FER: variants seen among roughly 807,000 people sequenced by gnomAD.
FER encodes the protein tyrosine-protein kinase Fer.
A neutral mutation model predicts 111.0 loss-of-function variants in FER; 63 were observed. The ratio of observed to expected loss-of-function variants is 0.57; its 90% CI spans 0.46 to 0.70. The LOEUF (loss-of-function observed/expected upper bound fraction) is 0.70. FER is among the 30% of genes least tolerant of loss of function. The probability of loss-of-function intolerance (pLI) is 0.00; values close to 1 mark genes in which losing one functional copy is unlikely to be tolerated. For synonymous variants in FER, 327 were observed against 313.9 expected (o/e 1.04, Z -0.44); for missense variants, 914 against 954.0 (o/e 0.96, Z 0.55).
intron 10 of FER, among the ~76,000 whole-genome samples, chr5:108,905,490 A>G (rs1750628738): frequency 6.6e-6 from 1 of 152,176 alleles, no homozygotes. Context: ...ACTATGATTA[A>G]TGCAAATAAA....
chr5:108,944,240 A>G (rs1756678504), intron 10 of FER, among the ~76,000 whole-genome samples: 1 of 152,146 alleles, frequency 6.6e-6, no homozygotes, highest in Non-Finnish European at 1.5e-5. Context: ...TTTCAAGCCA[A>G]GGTAATAGTT....
chr5:108,975,556 T>G (rs1761226810), intron 13 of FER, among the ~76,000 whole-genome samples: 1 of 152,168 alleles, frequency 6.6e-6, no homozygotes, highest in South Asian at 2.1e-4. Context: ...GGGTTTGATC[T>G]TTGGGGGCAA....
chr5:108,987,438 C>G (rs182139581), intron 13 of FER, among the ~76,000 whole-genome samples: 4 of 152,140 alleles, frequency 2.6e-5, no homozygotes, highest in Admixed American at 2.6e-4. Context: ...AAGAGCAAAA[C>G]TCCATCTCAA....
At chr5:109,145,408 CA>C (rs139682343) in intron 17 of FER, among the ~76,000 whole-genome samples, 15,944 of 152,094 alleles carry the variant, frequency 0.1, 841 homozygotes, top group Non-Finnish European at 0.12. Context: ...GAAACTTTCT[CA>C]TATCATTTTA....
chr5:108,866,636 A>G (rs1029301372), intron 5 of FER, among the ~76,000 whole-genome samples: 1 of 152,092 alleles, frequency 6.6e-6, no homozygotes, highest in Non-Finnish European at 1.5e-5. Flanking sequence ...ATGAATCTCA[A>G]TGCAATGAAA....
At chr5:109,114,372 A>G (rs1202516626) in intron 17 of FER, among the ~76,000 whole-genome samples, 1 of 152,142 alleles carries the variant, frequency 6.6e-6, no homozygotes, top group African/African-American at 2.4e-5. Context: ...AAATAATAAT[A>G]TTTAATAAAG....
intron 10 of FER, among the ~76,000 whole-genome samples, chr5:108,939,892 A>G (rs766950501): frequency 6.6e-6 from 1 of 152,208 alleles, no homozygotes; most frequent in East Asian, 1.9e-4. Context: ...TGTACAGTAC[A>G]AGAATACTAA....
chr5:108,826,490 C>T (rs1345937578), intron 3 of FER, among the ~76,000 whole-genome samples: 2 of 152,092 alleles, frequency 1.3e-5, no homozygotes, highest in African/African-American at 4.8e-5. Context: ...TGGGCTGAAA[C>T]GGTCCTCTCG....
intron 3 of FER, among the ~76,000 whole-genome samples, chr5:108,821,472 A>G (rs1426402597): frequency 6.6e-6 from 1 of 152,182 alleles, no homozygotes; most frequent in Non-Finnish European, 1.5e-5. Context: ...TTTGAAAATT[A>G]TTATATTATC....
At chr5:108,892,842 G>C (rs956213960) in intron 9 of FER, among the ~76,000 whole-genome samples, 3 of 152,132 alleles carry the variant, frequency 2.0e-5, no homozygotes, top group Non-Finnish European at 2.9e-5. Flanking sequence ...ATTAATTTCT[G>C]TATAAGGTGT....
At position 109,063,367 on chromosome 5, in the gene FER, A is replaced by G. The variant is rs556138229; in HGVS notation, c.1924+16169A>G. On this transcript the variant is annotated intron_variant, in intron 16 of 19. Transcript: ENST00000281092. ...AGGTTACTATGGTAGTTAACTGGCA[A>G]TGACAGTTTCAGCTGCTTTGGTAAC... Among the ~76,000 whole-genome samples the G allele has an allele frequency of 3.9e-5, 6 of 152,322 alleles. No homozygotes were observed. The South Asian group carries it at 1.2e-3, about 32-fold the overall frequency.
chr5:108,828,781 A>G (rs1425040347), intron 3 of FER, among the ~76,000 whole-genome samples: 1 of 152,194 alleles, frequency 6.6e-6, no homozygotes, highest in Non-Finnish European at 1.5e-5. Context: ...AGTGGCCGAC[A>G]ATATTTTGTT....
intron 2 of FER, among the ~76,000 whole-genome samples, chr5:108,790,544 T>C (rs761718831): frequency 6.6e-5 from 10 of 152,182 alleles, no homozygotes; most frequent in Non-Finnish European, 1.5e-4. Flanking sequence ...CCAAATAAAT[T>C]CTACCATCAT....
chr5:108,940,511 A>G (rs188630235), intron 10 of FER, among the ~76,000 whole-genome samples: 1 of 152,254 alleles, frequency 6.6e-6, no homozygotes, highest in African/African-American at 2.4e-5. Flanking sequence ...ATGAACCTAC[A>G]TCCAGAAAGT....
chr5:109,094,915 A>T (rs939622906), intron 16 of FER, among the ~76,000 whole-genome samples: 2 of 152,172 alleles, frequency 1.3e-5, no homozygotes, highest in African/African-American at 4.8e-5. Flanking sequence ...GTGTTTGTCA[A>T]AGTTGACTAT....
chr5:109,007,484 C>G (rs1190432266), intron 13 of FER, among the ~76,000 whole-genome samples: 1 of 152,158 alleles, frequency 6.6e-6, no homozygotes, highest in Non-Finnish European at 1.5e-5. Context: ...CAGCTACTTA[C>G]CCTTTGGAAA....
At chr5:109,005,252 G>A (rs941388241) in intron 13 of FER, among the ~76,000 whole-genome samples, 2 of 152,018 alleles carry the variant, frequency 1.3e-5, no homozygotes, top group Admixed American at 6.6e-5. Flanking sequence ...CAACAAGACA[G>A]TCCTCAAGTG....
intron 16 of FER, among the ~76,000 whole-genome samples, chr5:109,071,893 T>C (rs1252024047): frequency 6.6e-6 from 1 of 151,844 alleles, no homozygotes; most frequent in East Asian, 1.9e-4. Context: ...AATGTTTATA[T>C]AGTTCTATCG....
At chr5:108,975,935 G>C (rs1255034123) in intron 13 of FER, among the ~76,000 whole-genome samples, 1 of 152,064 alleles carries the variant, frequency 6.6e-6, no homozygotes, top group Non-Finnish European at 1.5e-5. Context: ...AGAAAATTGG[G>C]GGCATGCTAA....
Sources: gnomAD v4.1 joint callset for allele counts (sites outside exome capture counted in the v4.1 genomes callset) on GRCh38, gnomAD v4.1.1 for gene constraint, MANE v1.5 for transcripts, NCBI Gene and HGNC (gene_info 2026-07-23, HGNC 2026-07-21) for gene names.